FHDC1: variants seen among roughly 807,000 people sequenced by gnomAD.
The protein encoded by FHDC1 is FH2 domain containing 1, also known as FH2 domain-containing protein 1.
A neutral mutation model predicts 52.6 loss-of-function variants in FHDC1; 25 were observed. That is an observed-to-expected ratio of 0.48 (90% CI 0.35 to 0.66). The LOEUF is 0.66. Ranked by LOEUF, FHDC1 falls within the 30% of genes least tolerant of loss-of-function variation. The pLI, the probability that FHDC1 is intolerant of heterozygous loss-of-function variation, is 0.01. For missense variants in FHDC1, 1,459 were observed against 1,452.8 expected, an observed-to-expected ratio of 1.00 and a Z score of -0.07; for synonymous variants, 616 against 581.5, an observed-to-expected ratio of 1.06 and a Z score of -0.85.
chr4:152,928,293 A>G, the FHDC1 span: 5 of 568,914 alleles, frequency 8.8e-6, no homozygotes, highest in South Asian at 3.9e-5. Flanking sequence ...GTCCCTCAAA[A>G]AAAAACTCCT....
chr4:152,952,141 C>T (rs568050361), intron 2 of FHDC1, among the ~76,000 whole-genome samples: 1 of 152,312 alleles, frequency 6.6e-6, no homozygotes, highest in African/African-American at 2.4e-5. Context: ...CACTACCTTA[C>T]ACCCTCCTAA....
At chr4:152,938,929 A>ATCCAG (rs1346352446) in intron 1 of FHDC1, among the ~76,000 whole-genome samples, 2 of 152,124 alleles carry the variant, frequency 1.3e-5, no homozygotes, top group African/African-American at 4.8e-5. Flanking sequence ...ACTCATTCTG[A>ATCCAG]GCACCAGGAC....
At chr4:152,930,695 A>G in the FHDC1 span, among the ~76,000 whole-genome samples, 1 of 152,198 alleles carries the variant, frequency 6.6e-6, no homozygotes, top group African/African-American at 2.4e-5. Context: ...AATTATTTCT[A>G]TAAATCTGCT....
chr4:152,945,852 A>C (rs1375345943), intron 2 of FHDC1, among the ~76,000 whole-genome samples: 1 of 152,168 alleles, frequency 6.6e-6, no homozygotes, highest in Non-Finnish European at 1.5e-5. Flanking sequence ...CGTGCTGCGG[A>C]ACTGAAACTC....
At chr4:152,942,025 C>T (rs1437333953) in intron 1 of FHDC1, among the ~76,000 whole-genome samples, 4 of 152,136 alleles carry the variant, frequency 2.6e-5, no homozygotes, top group Admixed American at 2.0e-4. Flanking sequence ...GAAAAACAAA[C>T]GTGAAGTTCC....
In FHDC1 at chr4:152,943,049, A is replaced by G; in HGVS notation, c.-9A>G. On this transcript the variant is annotated 5_prime_UTR_variant, in exon 2 of 12. Coordinates refer to ENST00000511601, the MANE Select transcript of FHDC1 (RefSeq NM_001371116.1). Reference sequence around the variant, plus strand: ...CCAAGAAATTATCTCCATAGGAGGCAACAGTACTATGCATGTTATGAATTG... The same window carrying G: ...CCAAGAAATTATCTCCATAGGAGGCGACAGTACTATGCATGTTATGAATTG... 6.2e-7 allele frequency: 1 copy of G among 1,604,520 alleles called. No homozygotes were observed. The highest frequency in any genetic ancestry group is 8.5e-7 in the Non-Finnish European group (1 of 1,174,322).
the FHDC1 span, among the ~76,000 whole-genome samples, chr4:152,920,194 C>T: frequency 4.0e-5 from 6 of 151,770 alleles, no homozygotes; most frequent in Admixed American, 3.9e-4. Flanking sequence ...TGATCCACCC[C>T]CATTGGCCTC....
intron 8 of FHDC1, among the ~76,000 whole-genome samples, chr4:152,963,625 G>A (rs1369443485): frequency 2.6e-5 from 4 of 151,030 alleles, no homozygotes; most frequent in Non-Finnish European, 1.5e-5. Context: ...AGAGGATGGA[G>A]GATTGAAATT....
In FHDC1 at chr4:152,972,493, C is replaced by T; in HGVS notation, c.1335C>T (p.Cys445=). ...EDKKTMKLDE[C]FQIFRDFCTK... is the part of the protein sequence containing the mutation. ...AAAAAACCATGAAACTGGATGAATG[C>T]TTTCAGATATTTAGAGATTTCTGTA... is the stretch of plus-strand genomic sequence containing the variant. Residue 445 remains cysteine, a synonymous_variant, in exon 11 of 12, where the codon TGC becomes TGT. Transcript: ENST00000511601. 6.2e-7 allele frequency: 1 copy of T among 1,613,834 alleles called. No homozygotes were observed. Among genetic ancestry groups the T allele is most frequent in the Non-Finnish European group, 8.5e-7 (1 of 1,179,918 alleles).
chr4:152,964,874 A>T, intron 8 of FHDC1, 31 bp from the exon 9 acceptor site: 1 of 1,553,718 alleles, frequency 6.4e-7, no homozygotes, highest in South Asian at 1.2e-5. Flanking sequence ...TTTTATCAAC[A>T]TAGTGAGATA....
the FHDC1 span, among the ~76,000 whole-genome samples, chr4:152,927,002 G>C: frequency 6.6e-6 from 1 of 152,194 alleles, no homozygotes; most frequent in Non-Finnish European, 1.5e-5. Flanking sequence ...ATGGGTCTCA[G>C]GCTGAAGACT....
chr4:152,912,019 T>C, the FHDC1 span: 7 of 152,712 alleles, frequency 4.6e-5, no homozygotes, highest in East Asian at 9.6e-4. Flanking sequence ...CTGTCACTTA[T>C]AATTGTTTTA....
chr4:152,963,769 G>GTTTTTTTTTTTTTTTTTTTTT (rs58783965), intron 8 of FHDC1, among the ~76,000 whole-genome samples: 3 of 51,802 alleles, frequency 5.8e-5, no homozygotes, highest in African/African-American at 1.3e-4. Context: ...CCATTGCTTT[G>GTTTTTTTTTTTTTTTTTTTTT]TTTTTTTTTT....
chr4:152,943,360 T>C lies in FHDC1; in HGVS notation c.303T>C (p.Phe101=). 1 of 1,613,888 alleles carries C rather than the reference T, an allele frequency of 6.2e-7. No homozygotes were observed. The highest frequency in any genetic ancestry group is 8.5e-7 in the Non-Finnish European group (1 of 1,179,980). ...LGKKKRMRSF[F]WKTIPEEQVR... ...AGAAAAAGCGGATGAGAAGCTTTTT[T>C]TGGAAAACTATTCCGGAGGAGCAAG... The change falls in exon 2 of 12, where the codon TTT becomes TTC. Residue 101 remains phenylalanine (F), a synonymous_variant. Coordinates refer to ENST00000511601, the MANE Select transcript of FHDC1 (RefSeq NM_001371116.1).
At chr4:152,927,892 G>C in the FHDC1 span, 1 of 1,379,908 alleles carries the variant, frequency 7.2e-7, no homozygotes, top group East Asian at 2.3e-5. Context: ...AGTTCTCCCA[G>C]GTGAAGCTGT....
At chr4:152,966,333 T>C (rs1291947297) in intron 9 of FHDC1, among the ~76,000 whole-genome samples, 4 of 152,234 alleles carry the variant, frequency 2.6e-5, no homozygotes, top group Admixed American at 6.5e-5. Context: ...TGGAAAACTT[T>C]ATTGCACAAA....
chr4:152,949,874 T>C (rs1739869837), intron 2 of FHDC1, among the ~76,000 whole-genome samples: 1 of 152,214 alleles, frequency 6.6e-6, no homozygotes, highest in Non-Finnish European at 1.5e-5. Context: ...CAAGCTGCCT[T>C]GTTTGCCACT....
chr4:152,960,800 C>A lies in FHDC1; in HGVS notation c.806C>A (p.Ser269Tyr). Residue 269 changes from serine (S) to tyrosine (Y), a missense_variant, in exon 6 of 12, where the codon TCT becomes TAT. Physicochemically the swap from Ser to Tyr is moderately radical, Grantham distance 144. This residue lies in a region of FHDC1 where 513 missense variants were observed against 581.5 expected (regional missense o/e 0.88). Transcript: ENST00000511601. ...AAGAAGGAATTTCTACCTTCTTGCTCTTCTCTATATACAGATATAACAGTT... is the reference window on the plus strand; with the variant it reads ...AAGAAGGAATTTCTACCTTCTTGCTATTCTCTATATACAGATATAACAGTT... ...VLKKEFLPSC[S>Y]SLYTDITVLR... 1 of 1,612,830 alleles carries A rather than the reference C, an allele frequency of 6.2e-7. No homozygotes were observed. The highest frequency in any genetic ancestry group is 1.1e-5 in the South Asian group (1 of 90,660).
upstream of FHDC1, among the ~76,000 whole-genome samples, chr4:152,933,076 A>G (rs371365961): frequency 1.3e-5 from 2 of 152,304 alleles, no homozygotes; most frequent in South Asian, 2.1e-4. Context: ...TCTGGGCCAC[A>G]CTGAGTTATC....
Sources: allele counts gnomAD v4.1 joint callset (sites outside exome capture counted in the v4.1 genomes callset), GRCh38; gene constraint gnomAD v4.1.1; regional missense constraint gnomAD v4.1.1; transcripts MANE v1.5; gene names NCBI Gene and HGNC (gene_info 2026-07-23, HGNC 2026-07-21).